MBP: variants seen among roughly 807,000 people sequenced by gnomAD.
The protein encoded by MBP is Golli-MBP.
A neutral mutation model predicts 35.8 loss-of-function variants in MBP; 16 were observed. That is an observed-to-expected ratio of 0.45 (90% CI 0.30 to 0.68). The LOEUF (loss-of-function observed/expected upper bound fraction) is 0.68, where lower values mean the gene tolerates loss of function less well. Ranked by LOEUF, MBP falls within the 30% of genes least tolerant of loss-of-function variation. MBP has a pLI of 0.08. For missense variants in MBP, 380 were observed against 404.7 expected, an observed-to-expected ratio of 0.94 and a Z score of 0.52; for synonymous variants, 143 against 159.6, an observed-to-expected ratio of 0.90 and a Z score of 0.78.
intron 1 of MBP, among the ~76,000 whole-genome samples, chr18:77,126,941 A>G (rs1977070487): frequency 6.6e-6 from 1 of 152,232 alleles, no homozygotes. Flanking sequence ...AAAACTCAAC[A>G]CAGTAGAACT....
At chr18:77,052,994 C>G (rs1383396094) in intron 3 of MBP, among the ~76,000 whole-genome samples, 1 of 152,252 alleles carries the variant, frequency 6.6e-6, no homozygotes. Flanking sequence ...TAGACCTCAG[C>G]TGCCTGCCCT....
At chr18:76,984,657 A>G in intron 8 of MBP, 118 bp downstream of exon 8, 1 of 1,401,638 alleles carries the variant, frequency 7.1e-7, no homozygotes, top group Non-Finnish European at 1.0e-6. Context: ...GGGACAGAGC[A>G]CGTCCAGGGT....
Position 76,989,913 on chromosome 18 carries a change from TC to T in MBP, c.681+42del, listed in dbSNP as rs771974277. 8.7e-5 allele frequency: 133 copies of T among 1,520,600 alleles called. No homozygotes were observed. Among genetic ancestry groups the T allele is most frequent in the Middle Eastern group, 2.3e-4 (1 of 4,298 alleles). The allele number at this position is 1,520,600 out of a possible 1,614,324, so 94.2% of individuals were successfully genotyped here. ...TGACAGCAGTGGCCAGCACCCCTCC[TC>T]CCCCTCACAGTTGCTACCTCTTCCC... On this transcript the variant is annotated intron_variant, in intron 5 of 8. Coordinates refer to ENST00000355994, the MANE Select transcript of MBP (RefSeq NM_001025101.2). The surrounding 1 kb of genome is among the most constrained non-coding windows in gnomAD (Gnocchi z 4.0).
intron 3 of MBP, among the ~76,000 whole-genome samples, chr18:77,049,469 A>T (rs1421596259): frequency 2.0e-5 from 3 of 152,186 alleles, no homozygotes; most frequent in African/African-American, 7.2e-5. Context: ...TATCTGAGGT[A>T]GCTGAAATGG....
At chr18:77,078,580 G>A (rs767555968) in intron 2 of MBP, among the ~76,000 whole-genome samples, 7 of 152,184 alleles carry the variant, frequency 4.6e-5, no homozygotes, top group African/African-American at 7.2e-5. Context: ...CAGGAAATTC[G>A]AAGCCGTCTT....
intron 8 of MBP, chr18:76,983,940 G>T (rs1045444834): frequency 6.6e-6 from 1 of 152,236 alleles, no homozygotes; most frequent in African/African-American, 2.4e-5. Flanking sequence ...TCTGCACCCC[G>T]GGGAGCAGCC....
intron 4 of MBP, among the ~76,000 whole-genome samples, chr18:76,995,850 G>A (rs1599498186): frequency 6.6e-6 from 1 of 152,114 alleles, no homozygotes; most frequent in East Asian, 1.9e-4. Context: ...CCTCATCAAA[G>A]TTTCAAAACT....
At chr18:77,075,936 G>A (rs986797270) in intron 2 of MBP, among the ~76,000 whole-genome samples, 5 of 152,190 alleles carry the variant, frequency 3.3e-5, no homozygotes, top group African/African-American at 7.2e-5. Context: ...TGGAGGCAAC[G>A]GGCATAAAAT....
chr18:77,023,497 C>T (rs1972073572), intron 3 of MBP, among the ~76,000 whole-genome samples: 1 of 152,132 alleles, frequency 6.6e-6, no homozygotes, highest in Non-Finnish European at 1.5e-5. Context: ...TGGCTAATTC[C>T]CTCATCTCCA....
At chr18:77,008,327 GC>G (rs1354840107) in intron 4 of MBP, among the ~76,000 whole-genome samples, 4 of 152,122 alleles carry the variant, frequency 2.6e-5, no homozygotes, top group Non-Finnish European at 5.9e-5. Flanking sequence ...GGTGGCCACA[GC>G]CCCAGTGCAC....
chr18:77,070,612 A>T (rs183708884), intron 2 of MBP, among the ~76,000 whole-genome samples: 2,118 of 152,318 alleles, frequency 0.014, 33 homozygotes, highest in Admixed American at 0.045. Context: ...GTGTGTAAAA[A>T]CACAAAAACT....
At position 77,102,928 on chromosome 18, in the gene MBP, G is replaced by T. The variant is rs561671959; in HGVS notation, c.51+2283C>A. 6.6e-6 allele frequency among the ~76,000 whole-genome samples: 1 copy of T among 152,194 alleles called. No homozygotes were observed. The highest frequency in any genetic ancestry group is 1.5e-5 in the Non-Finnish European group (1 of 68,036). ...ACTTAATACATTTATGGTTGTTATT[G>T]CTAATTATAATGCTGACATTATCAG... On this transcript the variant is annotated intron_variant, in intron 2 of 8. Coordinates refer to ENST00000355994, the MANE Select transcript of MBP (RefSeq NM_001025101.2). The surrounding 1 kb of genome is among the most constrained non-coding windows in gnomAD (Gnocchi z 4.4).
At chr18:77,081,854 ATATTTT>A (rs1420328019) in intron 2 of MBP, among the ~76,000 whole-genome samples, 2 of 15,078 alleles carry the variant, frequency 1.3e-4, no homozygotes, top group African/African-American at 3.1e-4. Context: ...ATATATATAT[ATATTTT>A]TTTTTTTTTG....
intron 4 of MBP, among the ~76,000 whole-genome samples, chr18:77,011,933 A>G (rs927620105): frequency 2.0e-5 from 3 of 152,220 alleles, no homozygotes; most frequent in African/African-American, 4.8e-5. Context: ...AGGATGATCT[A>G]TTCCCTCAGA....
chr18:76,993,563 A>AC (rs929018073), intron 4 of MBP, among the ~76,000 whole-genome samples: 12 of 149,476 alleles, frequency 8.0e-5, no homozygotes, highest in African/African-American at 2.5e-4. Context: ...AAAAAAAAAA[A>AC]AAAAACAAAA....
chr18:77,077,272 G>A (rs1014398895), intron 2 of MBP, among the ~76,000 whole-genome samples: 2 of 142,012 alleles, frequency 1.4e-5, no homozygotes, highest in Non-Finnish European at 3.0e-5. Context: ...TGAGGCAGGA[G>A]AATTGCTTGA....
intron 4 of MBP, among the ~76,000 whole-genome samples, chr18:76,992,075 A>T (rs1263616232): frequency 6.6e-6 from 1 of 152,160 alleles, no homozygotes; most frequent in Non-Finnish European, 1.5e-5. Context: ...CACACGGCAC[A>T]CATCAGGTCT....
chr18:77,094,951 A>G (rs60953298), intron 2 of MBP, among the ~76,000 whole-genome samples: 3,301 of 152,342 alleles, frequency 0.022, 133 homozygotes, highest in African/African-American at 0.074. Context: ...GAACATCTCC[A>G]TTATGGCAGA....
At chr18:77,022,063 A>T (rs1201659102) in intron 3 of MBP, among the ~76,000 whole-genome samples, 1 of 152,134 alleles carries the variant, frequency 6.6e-6, no homozygotes, top group Admixed American at 6.5e-5. Flanking sequence ...ACTCTCGCTC[A>T]TTGGAAAAAG....
Sources: allele counts gnomAD v4.1 joint callset (sites outside exome capture counted in the v4.1 genomes callset), GRCh38; gene constraint gnomAD v4.1.1; non-coding constraint Gnocchi (gnomAD v3.1); transcripts MANE v1.5; gene names NCBI Gene and HGNC (gene_info 2026-07-23, HGNC 2026-07-21).